TKTL1: variants seen among roughly 807,000 people sequenced by gnomAD.
TKTL1 encodes transketolase-like protein 1.
Under a neutral mutation model 39.3 loss-of-function variants are expected in TKTL1, and 1 was observed. The observed-to-expected ratio is 0.03, with a 90% CI of 0.01 to 0.12. TKTL1 has a LOEUF of 0.12. Ranked by LOEUF, TKTL1 falls within the 10% of genes least tolerant of loss-of-function variation. The pLI, the probability that TKTL1 is intolerant of heterozygous loss-of-function variation, is 1.00. For missense variants in TKTL1, 575 were observed against 509.6 expected (o/e 1.13, Z -1.24); for synonymous variants, 262 against 193.8 (o/e 1.35, Z -2.92).
intron 1 of TKTL1, among the ~76,000 whole-genome samples, chrX:154,298,851 T>G (rs1436776783): frequency 1.2e-4 from 13 of 110,646 alleles, no homozygotes; most frequent in African/African-American, 4.3e-4. Context: ...TATTTATTTA[T>G]TATTATTTTT....
rs1319652233 is a variant in TKTL1, at chrX:154,329,802, A to G, written c.*114A>G. The G allele has an allele frequency of 1.2e-6, 1 of 862,559 alleles. No individual in the cohort carries two copies. The highest frequency in any genetic ancestry group is 1.6e-6 in the Non-Finnish European group (1 of 610,179). The allele number at this position is 862,559 out of a possible 1,213,427, so 71.1% of individuals were successfully genotyped here. A position where few individuals can be genotyped will look rare whatever the true frequency, so the allele number is the denominator to read the frequency against. Reference sequence around the variant, plus strand: ...TGTTTCTTAAAAGCAAAGCCAGCTAACACCTTCATTCATCCCTAGTTCGGA... The same window carrying G: ...TGTTTCTTAAAAGCAAAGCCAGCTAGCACCTTCATTCATCCCTAGTTCGGA... On this transcript the variant is annotated 3_prime_UTR_variant, in exon 13 of 13. Transcript: ENST00000369915.
chrX:154,296,121 C>T (rs2067225369), intron 1 of TKTL1, 128 bp downstream of exon 1: 13 of 911,053 alleles, frequency 1.4e-5, no homozygotes, highest in Non-Finnish European at 1.8e-5. Flanking sequence ...TCGTAATGCC[C>T]TGTCTTGGGC....
At chrX:154,322,099 T>TG (rs1265861513) in intron 8 of TKTL1, among the ~76,000 whole-genome samples, 1 of 108,745 alleles carries the variant, frequency 9.2e-6, no homozygotes, top group Non-Finnish European at 1.9e-5. Flanking sequence ...CCAGGTGTGG[T>TG]GGCACGCACC....
At chrX:154,325,514 C>T in intron 10 of TKTL1, 92 bp downstream of exon 10, 1 of 791,093 alleles carries the variant, frequency 1.3e-6, no homozygotes, top group Non-Finnish European at 1.9e-6. Context: ...AGAGTTGAGA[C>T]ATCATCCTTT....
chrX:154,305,380 G>C lies in TKTL1; in HGVS notation c.211G>C (p.Asp71His), dbSNP rs781924988. Residue 71 changes from aspartate (D) to histidine (H), a missense_variant, in exon 2 of 13, where the codon GAT becomes CAT. Transcript: ENST00000369915. Reference sequence around the variant, plus strand: ...CTACATCATGAGGTACAAGCAGTCAGATCCAGAGAATCCGGACAACGACCG... The same window carrying C: ...CTACATCATGAGGTACAAGCAGTCACATCCAGAGAATCCGGACAACGACCG... ...FFYIMRYKQS[D>H]PENPDNDRFV... 2 of 1,210,696 alleles carry C rather than the reference G, an allele frequency of 1.7e-6. No homozygotes were observed. The highest frequency in any genetic ancestry group is 2.2e-6 in the Non-Finnish European group (2 of 894,696).
At chrX:154,300,623 G>T (rs1403379567) in intron 1 of TKTL1, among the ~76,000 whole-genome samples, 1 of 111,848 alleles carries the variant, frequency 8.9e-6, no homozygotes, top group African/African-American at 3.3e-5. Flanking sequence ...CATTTATTTT[G>T]TAACCTGAGA....
intron 12 of TKTL1, 66 bp from the exon 13 acceptor site, chrX:154,329,450 A>G (rs1569551235): frequency 3.6e-6 from 4 of 1,098,279 alleles, no homozygotes; most frequent in East Asian, 3.0e-5. Context: ...AAAGGCCTCT[A>G]TGTGGTGAGG....
Position 154,295,821 on chromosome X carries a change from C to T in TKTL1, c.-39C>T, listed in dbSNP as rs370141890. Reference sequence around the variant, plus strand: ...CCATTCGCTCTTCAGACGCCGGAGACGTAGGAGTGGGTCTTCAGACTCCAA... The same window carrying T: ...CCATTCGCTCTTCAGACGCCGGAGATGTAGGAGTGGGTCTTCAGACTCCAA... On this transcript the variant is annotated 5_prime_UTR_variant, in exon 1 of 13. In the 5' UTR this introduces an upstream ATG that the reference lacks. Coordinates refer to ENST00000369915, the MANE Select transcript of TKTL1 (RefSeq NM_012253.4). 11 of 1,198,161 alleles carry T rather than the reference C, an allele frequency of 9.2e-6. No homozygotes were observed. Among genetic ancestry groups the T allele is most frequent in the East Asian group, 6.0e-5 (2 of 33,565 alleles).
At chrX:154,324,775 C>T (rs782466854) in intron 9 of TKTL1, among the ~76,000 whole-genome samples, 1 of 111,829 alleles carries the variant, frequency 8.9e-6, no homozygotes, top group Non-Finnish European at 1.9e-5. Flanking sequence ...CGAACAGTAG[C>T]GACGTTTCTT....
At chrX:154,312,501 G>A in intron 5 of TKTL1, 79 bp from the exon 6 acceptor site, 3 of 1,001,903 alleles carry the variant, frequency 3.0e-6, no homozygotes, top group Admixed American at 2.9e-5. Context: ...CTTTTTCATC[G>A]GGGTCTGTTT....
At chrX:154,317,625 CTCTG>C (rs1194472392) in intron 7 of TKTL1, among the ~76,000 whole-genome samples, 1 of 112,768 alleles carries the variant, frequency 8.9e-6, no homozygotes, top group Non-Finnish European at 1.9e-5. Flanking sequence ...TTTTCCAAAA[CTCTG>C]AAGACTGGAG....
intron 7 of TKTL1, among the ~76,000 whole-genome samples, chrX:154,318,793 C>G (rs1007680221): frequency 1.8e-5 from 2 of 109,276 alleles, no homozygotes; most frequent in Non-Finnish European, 3.8e-5. Flanking sequence ...AAAATTCATG[C>G]CAAGCCACTT....
chrX:154,316,080 T>A (rs1056151501), intron 7 of TKTL1, among the ~76,000 whole-genome samples: 7 of 111,716 alleles, frequency 6.3e-5, no homozygotes, highest in Admixed American at 1.9e-4. Flanking sequence ...GTAGTATTTT[T>A]AAAAAAAATT....
rs201017132 is a variant in TKTL1 at position 154,303,177 on chromosome X, TTTTATTTATTTATTTATTTA to T, written c.135-2095_135-2076del. 1.2e-3 allele frequency among the ~76,000 whole-genome samples: 106 copies of T among 88,800 alleles called. 3 individuals carry two copies. The highest frequency in any genetic ancestry group is 1.7e-3 in the African/African-American group (38 of 22,108). The allele number at this position is 88,800 out of a possible 115,157, so 77.1% of individuals were successfully genotyped here. On this transcript the variant is annotated intron_variant, in intron 1 of 12. Transcript: ENST00000369915. ...CCTCTCATTCCCCATTTTTTAAAAT[TTTTATTTATTTATTTATTTA>T]TTTATTTATTTATTTATTTATTTAT...
intron 5 of TKTL1, 63 bp from the exon 6 acceptor site, chrX:154,312,517 G>A (rs1391170956): frequency 9.1e-7 from 1 of 1,093,411 alleles, no homozygotes; most frequent in African/African-American, 1.8e-5. Flanking sequence ...TGTTTTTCAG[G>A]TGACCTCATA....
chrX:154,309,730 G>A (rs1569550906), intron 3 of TKTL1, among the ~76,000 whole-genome samples: 1 of 111,133 alleles, frequency 9.0e-6, no homozygotes, highest in African/African-American at 3.3e-5. Flanking sequence ...CTTTAGTGGG[G>A]TCTGGGATGT....
rs2067351563 is a variant in TKTL1, at chrX:154,310,883, C to G, written c.398C>G (p.Ser133Cys). 1.7e-6 allele frequency: 2 copies of G among 1,211,827 alleles called. No homozygotes were observed. Among genetic ancestry groups the G allele is most frequent in the Non-Finnish European group, 2.2e-6 (2 of 895,375 alleles). ...AGTGATGGCGAGTCCTCAGAAGGCT[C>G]TGTCTGGGAGGCAATGGCCTTTGCT... ...LMSDGESSEGSVWEAMAFASY... is the reference protein window; with the variant it reads ...LMSDGESSEGCVWEAMAFASY... The change falls in exon 4 of 13, where the codon TCT (serine) becomes TGT (cysteine). Residue 133 changes from serine (S) to cysteine (C), a missense_variant. Transcript: ENST00000369915.
chrX:154,318,311 A>G (rs141943489), intron 7 of TKTL1, among the ~76,000 whole-genome samples: 1,618 of 110,861 alleles, frequency 0.015, 11 homozygotes, highest in Non-Finnish European at 0.025. Flanking sequence ...TACTCAAATC[A>G]TGCCATTAAT....
intron 1 of TKTL1, among the ~76,000 whole-genome samples, chrX:154,303,795 A>G (rs1324166076): frequency 4.6e-5 from 5 of 109,006 alleles, no homozygotes; most frequent in Admixed American, 9.9e-5. Flanking sequence ...ATAGTTATGC[A>G]TTTGTCACTA....
Sources: allele counts gnomAD v4.1 joint callset (sites outside exome capture counted in the v4.1 genomes callset), GRCh38; gene constraint gnomAD v4.1.1; transcripts MANE v1.5; gene names NCBI Gene and HGNC (gene_info 2026-07-23, HGNC 2026-07-21).